Variants in SAMSN1 observed in about 807,000 individuals in gnomAD.
SAMSN1 encodes the protein SAM domain, SH3 domain and nuclear localization signals 1.
Under a neutral mutation model 42.0 loss-of-function variants are expected in SAMSN1, and 31 were observed. That is an observed-to-expected ratio of 0.74 (90% CI 0.55 to 1.00). The LOEUF (loss-of-function observed/expected upper bound fraction) is 1.00, where lower values mean the gene tolerates loss of function less well. Ranked by LOEUF, SAMSN1 falls within the 50% of genes least tolerant of loss-of-function variation. The pLI, the probability that SAMSN1 is intolerant of heterozygous loss-of-function variation, is 0.00. For synonymous variants in SAMSN1, 178 were observed against 151.9 expected (o/e 1.17, Z -1.26); for missense variants, 464 against 439.4 (o/e 1.06, Z -0.50).
intron 2 of SAMSN1, among the ~76,000 whole-genome samples, chr21:14,566,452 C>T (rs778236236): frequency 9.2e-5 from 14 of 151,976 alleles, no homozygotes; most frequent in Middle Eastern, 3.2e-3. Flanking sequence ...CCATATAATG[C>T]CACTTAAAAA....
At chr21:14,491,266 C>G (rs1307843491) in intron 7 of SAMSN1, among the ~76,000 whole-genome samples, 1 of 149,062 alleles carries the variant, frequency 6.7e-6, no homozygotes, top group Non-Finnish European at 1.5e-5. Flanking sequence ...CTCTGGCTTT[C>G]CCTTTTTTTT....
intron 1 of SAMSN1, among the ~76,000 whole-genome samples, chr21:14,647,118 T>G (rs142764297): frequency 6.6e-6 from 1 of 152,114 alleles, no homozygotes; most frequent in Non-Finnish European, 1.5e-5. Context: ...TCAAAAGACA[T>G]AGACTGGCTG....
upstream of SAMSN1, among the ~76,000 whole-genome samples, chr21:14,546,593 C>A (rs1980405302): frequency 6.6e-6 from 1 of 150,800 alleles, no homozygotes; most frequent in Admixed American, 6.6e-5. Flanking sequence ...ATTTACAATG[C>A]ATTCCATGGG....
chr21:14,506,075 G>A (rs1370905490), intron 5 of SAMSN1, among the ~76,000 whole-genome samples: 2 of 152,040 alleles, frequency 1.3e-5, no homozygotes, highest in Non-Finnish European at 2.9e-5. Flanking sequence ...AGCAAAGGGG[G>A]TGCTAAGGGG....
intron 6 of SAMSN1, among the ~76,000 whole-genome samples, chr21:14,597,323 G>T (rs533621407): frequency 6.6e-6 from 1 of 152,020 alleles, no homozygotes; most frequent in Non-Finnish European, 1.5e-5. Flanking sequence ...CATTCTACAC[G>T]CATCTCCCAA....
chr21:14,510,052 T>A (rs1487426355), intron 5 of SAMSN1, among the ~76,000 whole-genome samples: 1 of 150,972 alleles, frequency 6.6e-6, no homozygotes, highest in Non-Finnish European at 1.5e-5. Context: ...GGCAGGAGAA[T>A]GGCGTGAACC....
At chr21:14,491,995 T>G (rs8132024) in intron 7 of SAMSN1, among the ~76,000 whole-genome samples, 1 of 152,156 alleles carries the variant, frequency 6.6e-6, no homozygotes, top group African/African-American at 2.4e-5. Context: ...CTATATCATT[T>G]TTTTAACATA....
At chr21:14,644,909 T>C (rs987496703) in intron 1 of SAMSN1, among the ~76,000 whole-genome samples, 1 of 152,164 alleles carries the variant, frequency 6.6e-6, no homozygotes, top group African/African-American at 2.4e-5. Flanking sequence ...TAGGGTGGTA[T>C]GGCTACAGAG....
chr21:14,543,798 C>T (rs966863567), intron 1 of SAMSN1, among the ~76,000 whole-genome samples: 2 of 151,946 alleles, frequency 1.3e-5, no homozygotes, highest in East Asian at 3.9e-4. Flanking sequence ...CAAGAAAATT[C>T]CTTTCACAAA....
chr21:14,628,340 T>G (rs1389407990), intron 2 of SAMSN1, among the ~76,000 whole-genome samples: 3 of 152,106 alleles, frequency 2.0e-5, no homozygotes, highest in African/African-American at 7.2e-5. Flanking sequence ...CTTACTCTGA[T>G]CTGATCACTA....
Position 14,612,824 on chromosome 21 carries a change from TGTG to T in SAMSN1, c.235+49_235+51del, listed in dbSNP as rs1436341763. On this transcript the variant is annotated intron_variant, in intron 4 of 15. Coordinates refer to the SAMSN1 transcript ENST00000647101. The stretch of plus-strand genomic sequence containing the variant: ...GTGGCAGGAGCAGGAGAAAAGAACT[TGTG>T]GGGAGACAGAATACATCGTTTACAC... 1.5e-5 allele frequency: 10 copies of T among 684,768 alleles called. No homozygotes were observed. In the East Asian group the frequency reaches 2.4e-4, roughly 17 times the overall value. 42.4% of individuals were successfully genotyped at this position (684,768 alleles called of 1,614,324 possible). A position where few individuals can be genotyped will look rare whatever the true frequency, so the allele number is the denominator to read the frequency against.
At chr21:14,571,762 T>C (rs1981308716) in intron 2 of SAMSN1, among the ~76,000 whole-genome samples, 1 of 152,180 alleles carries the variant, frequency 6.6e-6, no homozygotes, top group Non-Finnish European at 1.5e-5. Context: ...GCAACGGTGA[T>C]GCCAGCATGT....
chr21:14,575,167 G>A (rs774210770), intron 2 of SAMSN1, among the ~76,000 whole-genome samples: 1 of 152,120 alleles, frequency 6.6e-6, no homozygotes, highest in Non-Finnish European at 1.5e-5. Context: ...ATGGATAAAT[G>A]AATGAATAAG....
At chr21:14,566,668 G>C (rs1196135568) in intron 2 of SAMSN1, among the ~76,000 whole-genome samples, 1 of 152,006 alleles carries the variant, frequency 6.6e-6, no homozygotes, top group East Asian at 1.9e-4. Flanking sequence ...CTCTCAAGTA[G>C]CTGGGGTTAC....
chr21:14,641,771 G>A (rs1983603546), intron 2 of SAMSN1, among the ~76,000 whole-genome samples: 1 of 152,126 alleles, frequency 6.6e-6, no homozygotes, highest in African/African-American at 2.4e-5. Context: ...CACAACAAAA[G>A]TAAAAGAAGT....
At chr21:14,530,383 G>A (rs1406535299) in intron 1 of SAMSN1, among the ~76,000 whole-genome samples, 1 of 151,278 alleles carries the variant, frequency 6.6e-6, no homozygotes, top group Admixed American at 6.6e-5. Flanking sequence ...CTAAAGTTAT[G>A]ATAAGTAAGA....
At chr21:14,556,289 A>C (rs1229183998) in intron 2 of SAMSN1, among the ~76,000 whole-genome samples, 1 of 152,214 alleles carries the variant, frequency 6.6e-6, no homozygotes, top group East Asian at 1.9e-4. Flanking sequence ...CAAAAGCCTC[A>C]TATGATCTTC....
chr21:14,607,315 G>T (rs924232644), intron 5 of SAMSN1, among the ~76,000 whole-genome samples: 2 of 152,128 alleles, frequency 1.3e-5, no homozygotes, highest in African/African-American at 4.8e-5. Flanking sequence ...TTGATACATA[G>T]GTCACTAATT....
intron 1 of SAMSN1, among the ~76,000 whole-genome samples, chr21:14,542,910 C>T (rs1980136186): frequency 6.6e-6 from 1 of 152,092 alleles, no homozygotes; most frequent in African/African-American, 2.4e-5. Context: ...GTGATTGCAC[C>T]ACATCAACTC....
Sources: allele counts gnomAD v4.1 joint callset (sites outside exome capture counted in the v4.1 genomes callset), GRCh38; gene constraint gnomAD v4.1.1; transcripts MANE v1.5; gene names NCBI Gene and HGNC (gene_info 2026-07-23, HGNC 2026-07-21).